The following MYO5B variants were observed in gnomAD, a reference collection of about 807,000 sequenced individuals.
MYO5B encodes unconventional myosin-Vb.
In MYO5B, 143 loss-of-function variants were observed where a neutral mutation model predicts 229.3. The ratio of observed to expected loss-of-function variants is 0.62; its 90% confidence interval spans 0.54 to 0.72. The LOEUF is 0.72. Among genes scored for constraint, MYO5B ranks in the 30% least tolerant of loss-of-function variants. The pLI is 0.00. For synonymous variants in MYO5B, 918 were observed against 885.2 expected, an observed-to-expected ratio of 1.04 and a Z score of -0.66; for missense variants, 2,321 against 2,331.0, an observed-to-expected ratio of 1.00 and a Z score of 0.09.
chr18:50,149,482 G>C lies in MYO5B; in HGVS notation c.27+45285C>G, dbSNP rs199942451. ...AAACAGCATGGTACTGGTACCAAAAGAGAGATATAGATCAATGGAACAGAA... is the reference window on the plus strand; with the variant it reads ...AAACAGCATGGTACTGGTACCAAAACAGAGATATAGATCAATGGAACAGAA... On this transcript the variant is annotated intron_variant, in intron 1 of 39. Coordinates refer to ENST00000285039, the MANE Select transcript of MYO5B (RefSeq NM_001080467.3). Among the ~76,000 whole-genome samples, 2,290 of 148,726 alleles carry C rather than the reference G, an allele frequency of 0.015. 154 individuals carry two copies. In the East Asian group the frequency reaches 0.25, roughly 16 times the overall value.
intron 27 of MYO5B, among the ~76,000 whole-genome samples, chr18:49,865,146 G>C (rs1015923494): frequency 6.6e-6 from 1 of 152,208 alleles, no homozygotes; most frequent in Non-Finnish European, 1.5e-5. Context: ...GTATGCATTG[G>C]TTGCATGTTT....
chr18:49,987,185 G>C (rs2025879607), intron 7 of MYO5B, among the ~76,000 whole-genome samples: 1 of 151,858 alleles, frequency 6.6e-6, no homozygotes, highest in African/African-American at 2.4e-5. Context: ...CCCCAACTCA[G>C]GCCCAGCTGG....
chr18:49,896,446 C>G (rs533265189), intron 21 of MYO5B, among the ~76,000 whole-genome samples: 138 of 152,338 alleles, frequency 9.1e-4, no homozygotes, highest in South Asian at 2.9e-3. Context: ...TGGGTCTCCA[C>G]TGGAGGCTGA....
intron 1 of MYO5B, among the ~76,000 whole-genome samples, chr18:50,087,284 A>G (rs1375707766): frequency 6.6e-6 from 1 of 152,136 alleles, no homozygotes; most frequent in Non-Finnish European, 1.5e-5. Context: ...TAAAAAGCAG[A>G]GTGTTGGCAG....
intron 17 of MYO5B, among the ~76,000 whole-genome samples, chr18:49,916,312 G>A (rs1184374371): frequency 2.0e-5 from 3 of 152,238 alleles, no homozygotes; most frequent in South Asian, 2.1e-4. Flanking sequence ...GGCCAGTACA[G>A]GATGAACCTG....
chr18:49,868,370 G>A (rs191691274), intron 27 of MYO5B, among the ~76,000 whole-genome samples: 2 of 152,286 alleles, frequency 1.3e-5, no homozygotes, highest in South Asian at 2.1e-4. Context: ...TCTGATGCAC[G>A]TTCAACATTG....
intron 27 of MYO5B, among the ~76,000 whole-genome samples, chr18:49,866,212 G>A (rs2024394192): frequency 6.6e-6 from 1 of 151,690 alleles, no homozygotes; most frequent in Non-Finnish European, 1.5e-5. Flanking sequence ...GGGACTACAG[G>A]CGCCCACCAC....
At chr18:50,061,562 C>A (rs1375920323) in intron 1 of MYO5B, among the ~76,000 whole-genome samples, 6 of 152,154 alleles carry the variant, frequency 3.9e-5, no homozygotes, top group African/African-American at 2.4e-5. Context: ...ACTTCTACTC[C>A]AAAAACCTGA....
intron 7 of MYO5B, among the ~76,000 whole-genome samples, chr18:49,985,856 C>A (rs1377560704): frequency 6.6e-6 from 1 of 152,196 alleles, no homozygotes; most frequent in East Asian, 1.9e-4. Context: ...CCTTCAACAC[C>A]TGTCCTTGCA....
chr18:49,898,625 G>A (rs1330754480), intron 21 of MYO5B, among the ~76,000 whole-genome samples: 1 of 152,168 alleles, frequency 6.6e-6, no homozygotes, highest in African/African-American at 2.4e-5. Context: ...TCACGTCACA[G>A]ATTATGAAAG....
chr18:49,939,304 C>T (rs1373946642), intron 14 of MYO5B, among the ~76,000 whole-genome samples: 1 of 151,958 alleles, frequency 6.6e-6, no homozygotes, highest in Non-Finnish European at 1.5e-5. Flanking sequence ...CACTACCATG[C>T]CCAGCTAATT....
At chr18:50,156,815 G>C (rs766131003) in intron 1 of MYO5B, among the ~76,000 whole-genome samples, 10 of 152,110 alleles carry the variant, frequency 6.6e-5, no homozygotes, top group Non-Finnish European at 1.3e-4. Context: ...AGTCAGTCTT[G>C]ACACCTCTCC....
intron 25 of MYO5B, among the ~76,000 whole-genome samples, chr18:49,877,235 C>A (rs2024535941): frequency 6.6e-6 from 1 of 152,212 alleles, no homozygotes; most frequent in African/African-American, 2.4e-5. Context: ...ACACAGTCCA[C>A]TGTGTGGTAT....
At position 49,974,580 on chromosome 18, in the gene MYO5B, C is replaced by T. The variant is rs1490861580; in HGVS notation, c.1092G>A (p.Leu364=). The change falls in exon 10 of 40, where the codon CTG becomes CTA. Residue 364 remains leucine, a synonymous_variant. Transcript: ENST00000285039. ...CCATCTGACTGTGCTCCACCCCTAG[C>T]AGTCGGCAGAAGTTGCTTAGGTATA... ...QDVYLSNFCR[L]LGVEHSQMEH... is the part of the protein sequence containing the mutation. The T allele has an allele frequency of 6.2e-7, 1 of 1,614,002 alleles. No individual in the cohort carries two copies. Among genetic ancestry groups the T allele is most frequent in the East Asian group, 2.2e-5 (1 of 44,900 alleles).
chr18:49,937,819 A>G (rs1484179788), intron 14 of MYO5B, among the ~76,000 whole-genome samples: 2 of 151,934 alleles, frequency 1.3e-5, no homozygotes, highest in African/African-American at 4.8e-5. Context: ...GTTGGGGGAG[A>G]AAGGGGAAGA....
chr18:50,040,032 A>G, intron 3 of MYO5B, 111 bp downstream of exon 3: 1 of 1,210,948 alleles, frequency 8.3e-7, no homozygotes, highest in Non-Finnish European at 1.2e-6. Flanking sequence ...CAGTGGAGAG[A>G]TACTTACAAA....
At chr18:50,028,022 G>A (rs1313671412) in intron 4 of MYO5B, among the ~76,000 whole-genome samples, 15 of 152,078 alleles carry the variant, frequency 9.9e-5, no homozygotes, top group Admixed American at 8.5e-4. Context: ...GGGATGGAGG[G>A]AGACTTTGAA....
At chr18:49,898,216 CAG>C (rs898264758) in intron 21 of MYO5B, among the ~76,000 whole-genome samples, 4 of 152,200 alleles carry the variant, frequency 2.6e-5, no homozygotes, top group African/African-American at 9.7e-5. Flanking sequence ...CTGTCATTAA[CAG>C]ATGCATGACT....
chr18:49,921,496 A>C (rs892133835), intron 17 of MYO5B, among the ~76,000 whole-genome samples: 2 of 152,110 alleles, frequency 1.3e-5, no homozygotes, highest in African/African-American at 2.4e-5. Flanking sequence ...ATAACAATGG[A>C]CATATTTCTT....
Sources: allele counts gnomAD v4.1 joint callset (sites outside exome capture counted in the v4.1 genomes callset), GRCh38; gene constraint gnomAD v4.1.1; transcripts MANE v1.5; gene names NCBI Gene and HGNC (gene_info 2026-07-23, HGNC 2026-07-21).